DCLK2: variants seen among roughly 807,000 people sequenced by gnomAD.
The protein encoded by DCLK2 is doublecortin like kinase 2.
Under a neutral mutation model 78.4 loss-of-function variants are expected in DCLK2, and 31 were observed. The ratio of observed to expected loss-of-function variants is 0.40; its 90% CI spans 0.30 to 0.53. The LOEUF is 0.53. Ranked by LOEUF, DCLK2 falls within the 20% of genes least tolerant of loss-of-function variation. The pLI is 0.61. For missense variants in DCLK2, 872 were observed against 973.7 expected, an observed-to-expected ratio of 0.90 and a Z score of 1.39; for synonymous variants, 407 against 374.9, an observed-to-expected ratio of 1.09 and a Z score of -0.99.
chr4:150,160,953 G>A (rs988721453), intron 2 of DCLK2, among the ~76,000 whole-genome samples: 1 of 152,010 alleles, frequency 6.6e-6, no homozygotes, highest in African/African-American at 2.4e-5. Flanking sequence ...CAAATTTAAT[G>A]TTTTTTCAAT....
intron 2 of DCLK2, among the ~76,000 whole-genome samples, chr4:150,145,133 A>G (rs1002870370): frequency 6.6e-6 from 1 of 151,960 alleles, no homozygotes; most frequent in East Asian, 1.9e-4. Flanking sequence ...TGCTATTGTA[A>G]ATGGAATTGA....
chr4:150,183,367 A>G (rs1235760082), intron 2 of DCLK2, among the ~76,000 whole-genome samples: 1 of 152,246 alleles, frequency 6.6e-6, no homozygotes, highest in Admixed American at 6.5e-5. Flanking sequence ...TTGTTGCAGT[A>G]GCAGATTTCA....
intron 1 of DCLK2, among the ~76,000 whole-genome samples, chr4:150,096,111 A>T (rs535371045): frequency 6.6e-6 from 1 of 152,344 alleles, no homozygotes; most frequent in African/African-American, 2.4e-5. Context: ...TACTACTCTA[A>T]TCCGGGAAGA....
At chr4:150,144,846 A>G (rs542699453) in intron 2 of DCLK2, among the ~76,000 whole-genome samples, 2 of 152,222 alleles carry the variant, frequency 1.3e-5, no homozygotes, top group Non-Finnish European at 2.9e-5. Context: ...TTGGCCTCCC[A>G]AAGTGCTGGG....
chr4:150,248,178 T>G, intron 13 of DCLK2, 127 bp from the exon 14 acceptor site: 1 of 733,226 alleles, frequency 1.4e-6, no homozygotes. Flanking sequence ...CACGTTTAGG[T>G]TTGAATCAGT....
chr4:150,237,801 G>A (rs1475021752), intron 10 of DCLK2, among the ~76,000 whole-genome samples: 1 of 152,100 alleles, frequency 6.6e-6, no homozygotes, highest in African/African-American at 2.4e-5. Flanking sequence ...ATCTGGTTCA[G>A]CAAAATATGA....
At chr4:150,121,730 G>T (rs534872129) in intron 2 of DCLK2, among the ~76,000 whole-genome samples, 1 of 152,148 alleles carries the variant, frequency 6.6e-6, no homozygotes, top group African/African-American at 2.4e-5. Context: ...CAGAAGAATC[G>T]CTACGGCAAG....
At chr4:150,128,355 A>G (rs1288119160) in intron 2 of DCLK2, among the ~76,000 whole-genome samples, 2 of 152,110 alleles carry the variant, frequency 1.3e-5, no homozygotes, top group East Asian at 1.9e-4. Context: ...AGGAGTGTAG[A>G]TATGTGTGTG....
chr4:150,192,883 A>C (rs998477394), intron 2 of DCLK2, among the ~76,000 whole-genome samples: 1 of 152,190 alleles, frequency 6.6e-6, no homozygotes, highest in Non-Finnish European at 1.5e-5. Context: ...ACCTTTTTGC[A>C]TGTACGTCCT....
At chr4:150,205,893 G>A (rs910850908) in intron 5 of DCLK2, among the ~76,000 whole-genome samples, 1 of 152,196 alleles carries the variant, frequency 6.6e-6, no homozygotes, top group Non-Finnish European at 1.5e-5. Context: ...CATTGCCCCA[G>A]GTGGGGCTGA....
At chr4:150,254,465 G>C (rs970336338) in intron 15 of DCLK2, 3 of 398,724 alleles carry the variant, frequency 7.5e-6, no homozygotes, top group African/African-American at 6.2e-5. Context: ...CTGCCAGCCT[G>C]CCTTCTGCCA....
chr4:150,128,444 A>G (rs1329946022), intron 2 of DCLK2, among the ~76,000 whole-genome samples: 1 of 152,094 alleles, frequency 6.6e-6, no homozygotes, highest in Non-Finnish European at 1.5e-5. Context: ...TTTCCAAGAG[A>G]TTTGGACCTC....
chr4:150,253,147 C>T (rs1293771908), intron 15 of DCLK2: 1 of 465,842 alleles, frequency 2.1e-6, no homozygotes, highest in Non-Finnish European at 4.4e-6. Context: ...CACTGTGTGT[C>T]CTGTCTTCGG....
intron 2 of DCLK2, among the ~76,000 whole-genome samples, chr4:150,148,039 G>A (rs1734607884): frequency 6.6e-6 from 1 of 152,168 alleles, no homozygotes; most frequent in African/African-American, 2.4e-5. Flanking sequence ...ATTGGTAAAT[G>A]AAAAGTCTTC....
At chr4:150,156,483 A>AAATAAAT (rs1553961961) in intron 2 of DCLK2, among the ~76,000 whole-genome samples, 7 of 143,102 alleles carry the variant, frequency 4.9e-5, no homozygotes, top group African/African-American at 7.8e-5. Context: ...CGTCTCTACC[A>AAATAAAT]AAATAAATAA....
intron 3 of DCLK2, among the ~76,000 whole-genome samples, chr4:150,194,140 T>A (rs995832612): frequency 6.6e-6 from 1 of 152,088 alleles, no homozygotes; most frequent in Non-Finnish European, 1.5e-5. Flanking sequence ...ATGGGCTACA[T>A]ATATGACTGT....
At chr4:150,153,143 C>A (rs974366529) in intron 2 of DCLK2, among the ~76,000 whole-genome samples, 26 of 152,144 alleles carry the variant, frequency 1.7e-4, no homozygotes, top group Admixed American at 1.6e-3. Flanking sequence ...TAGTGGGCCA[C>A]CATTGAAGGA....
intron 2 of DCLK2, among the ~76,000 whole-genome samples, chr4:150,163,198 G>A (rs1436634635): frequency 1.3e-5 from 2 of 152,046 alleles, no homozygotes; most frequent in African/African-American, 4.8e-5. Flanking sequence ...AGGAGTTTGA[G>A]ACCAGCCTGG....
At chr4:150,086,525 G>A (rs74422003) in intron 1 of DCLK2, among the ~76,000 whole-genome samples, 1 of 96,200 alleles carries the variant, frequency 1.0e-5, no homozygotes, top group Non-Finnish European at 2.1e-5. Context: ...TTTTTTTTTT[G>A]AGACTGAGTC....
Sources: gnomAD v4.1 joint callset for allele counts (sites outside exome capture counted in the v4.1 genomes callset) on GRCh38, gnomAD v4.1.1 for gene constraint, MANE v1.5 for transcripts, NCBI Gene and HGNC (gene_info 2026-07-23, HGNC 2026-07-21) for gene names.